The following DSCAM variants were observed in gnomAD, a reference collection of about 807,000 sequenced individuals.
DSCAM encodes the protein cell adhesion molecule DSCAM.
Under a neutral mutation model 217.7 loss-of-function variants are expected in DSCAM, and 47 were observed. The observed-to-expected ratio is 0.22, with a 90% CI of 0.17 to 0.28. DSCAM has a LOEUF of 0.28. Among genes scored for constraint, DSCAM ranks in the 10% least tolerant of loss-of-function variants. DSCAM has a pLI of 1.00. For synonymous variants in DSCAM, 1,056 were observed against 1,015.3 expected, an observed-to-expected ratio of 1.04 and a Z score of -0.76; for missense variants, 2,080 against 2,618.3, an observed-to-expected ratio of 0.79 and a Z score of 4.49.
intron 3 of DSCAM, among the ~76,000 whole-genome samples, chr21:40,483,998 G>A (rs1306956535): frequency 2.0e-5 from 3 of 152,100 alleles, no homozygotes; most frequent in African/African-American, 7.2e-5. Flanking sequence ...TTGGCTATTG[G>A]CCAATAATTA....
At chr21:40,465,125 T>TC (rs2075834209) in intron 3 of DSCAM, among the ~76,000 whole-genome samples, 1 of 152,146 alleles carries the variant, frequency 6.6e-6, no homozygotes, top group Admixed American at 6.5e-5. Context: ...TAAAATAAGA[T>TC]CCCAATTCCC....
At chr21:40,791,668 ATAATGAAATT>A (rs1038574255) in intron 1 of DSCAM, among the ~76,000 whole-genome samples, 1 of 152,190 alleles carries the variant, frequency 6.6e-6, no homozygotes, top group African/African-American at 2.4e-5. Context: ...AACAAAAAGA[ATAATGAAATT>A]TTAAAAGATG....
intron 32 of DSCAM, among the ~76,000 whole-genome samples, chr21:40,039,090 C>A (rs565016721): frequency 2.6e-5 from 4 of 151,572 alleles, no homozygotes; most frequent in African/African-American, 9.7e-5. Context: ...GTGGGTGCAG[C>A]GCACCAGAAT....
At chr21:40,745,440 A>G (rs1169979007) in intron 1 of DSCAM, among the ~76,000 whole-genome samples, 2 of 152,226 alleles carry the variant, frequency 1.3e-5, no homozygotes, top group African/African-American at 4.8e-5. Context: ...CCTGAGCCCC[A>G]GTGCAAGTTT....
Position 40,472,856 on chromosome 21 carries a change from A to C in DSCAM, c.509-103611T>G, listed in dbSNP as rs193131217. ...ATGTGTGATGCAGAAACCAGGTGCC[A>C]GTTAATGCACATCACTGTGTGGAGA... On this transcript the variant is annotated intron_variant, in intron 3 of 32. Transcript: ENST00000400454. Among the ~76,000 whole-genome samples, 16 of 152,302 alleles carry C rather than the reference A, an allele frequency of 1.1e-4. No homozygotes were observed. In the East Asian group the frequency reaches 3.1e-3, roughly 29 times the overall value.
chr21:40,486,580 G>A (rs2076030522), intron 3 of DSCAM, among the ~76,000 whole-genome samples: 1 of 152,044 alleles, frequency 6.6e-6, no homozygotes, highest in African/African-American at 2.4e-5. Flanking sequence ...CAGGGGGTCT[G>A]GGGTTGTAGC....
chr21:40,551,467 C>A (rs1292168714), intron 3 of DSCAM, among the ~76,000 whole-genome samples: 2 of 152,126 alleles, frequency 1.3e-5, no homozygotes, highest in Admixed American at 1.3e-4. Context: ...TAGGTGGCTG[C>A]CCTTAGAGAC....
At chr21:40,323,344 C>G (rs188768001) in intron 8 of DSCAM, among the ~76,000 whole-genome samples, 1 of 152,246 alleles carries the variant, frequency 6.6e-6, no homozygotes, top group East Asian at 1.9e-4. Flanking sequence ...ATAACAAAAC[C>G]AGGTCTGTGT....
intron 3 of DSCAM, among the ~76,000 whole-genome samples, chr21:40,610,162 C>G (rs2089293969): frequency 6.6e-6 from 1 of 152,192 alleles, no homozygotes; most frequent in South Asian, 2.1e-4. Context: ...AAATGAAATT[C>G]AGAAAGCCCA....
chr21:40,636,355 A>G (rs533376522), intron 3 of DSCAM, among the ~76,000 whole-genome samples: 1 of 152,082 alleles, frequency 6.6e-6, no homozygotes, highest in East Asian at 1.9e-4. Flanking sequence ...CTCAACCAAG[A>G]GGTTAAATAT....
intron 18 of DSCAM, among the ~76,000 whole-genome samples, chr21:40,140,193 G>A (rs1385070771): frequency 2.0e-5 from 3 of 152,052 alleles, no homozygotes; most frequent in East Asian, 1.9e-4. Context: ...GTGACCATTC[G>A]CAGGCAGGTT....
intron 3 of DSCAM, among the ~76,000 whole-genome samples, chr21:40,494,365 T>C (rs572093098): frequency 1.3e-5 from 2 of 152,212 alleles, no homozygotes; most frequent in Non-Finnish European, 2.9e-5. Flanking sequence ...TCTTAACAAA[T>C]CTAGGGAGAT....
chr21:40,187,087 A>G, intron 14 of DSCAM, 44 bp downstream of exon 14: 1 of 1,606,130 alleles, frequency 6.2e-7, no homozygotes, highest in South Asian at 1.1e-5. Context: ...AAATAAAAGA[A>G]CTTTCTGAGG....
chr21:40,518,206 T>C (rs2076318961), intron 3 of DSCAM, among the ~76,000 whole-genome samples: 1 of 145,432 alleles, frequency 6.9e-6, no homozygotes, highest in Non-Finnish European at 1.5e-5. Flanking sequence ...AATGGACCCT[T>C]GAGTTCTGAC....
intron 3 of DSCAM, among the ~76,000 whole-genome samples, chr21:40,426,442 A>C (rs531349994): frequency 6.6e-6 from 1 of 152,206 alleles, no homozygotes; most frequent in Non-Finnish European, 1.5e-5. Flanking sequence ...AGTTCACGGC[A>C]TCTATGTGTC....
intron 3 of DSCAM, among the ~76,000 whole-genome samples, chr21:40,637,196 T>A (rs66672722): frequency 2.3e-4 from 4 of 17,760 alleles, no homozygotes; most frequent in Admixed American, 1.5e-3. Context: ...TAAATATAAA[T>A]ATATATATAA....
intron 3 of DSCAM, among the ~76,000 whole-genome samples, chr21:40,373,232 C>T (rs183289078): frequency 1.8e-4 from 28 of 152,104 alleles, no homozygotes; most frequent in Admixed American, 1.7e-3. Flanking sequence ...AGATCTGAGC[C>T]GCAGAAAGCA....
chr21:40,236,066 A>G (rs529796285), intron 11 of DSCAM, among the ~76,000 whole-genome samples: 1 of 152,358 alleles, frequency 6.6e-6, no homozygotes, highest in South Asian at 2.1e-4. Context: ...ACTTGCTTCC[A>G]TCTGCACACT....
At chr21:40,290,556 G>A (rs865945618) in intron 10 of DSCAM, among the ~76,000 whole-genome samples, 4 of 152,316 alleles carry the variant, frequency 2.6e-5, no homozygotes, top group South Asian at 2.1e-4. Context: ...GGGAGGTGGA[G>A]GTTGCAGCGA....
Sources: gnomAD v4.1 joint callset for allele counts (sites outside exome capture counted in the v4.1 genomes callset) on GRCh38, gnomAD v4.1.1 for gene constraint, MANE v1.5 for transcripts, NCBI Gene and HGNC (gene_info 2026-07-23, HGNC 2026-07-21) for gene names.